Variants in NRP1 observed in about 807,000 individuals in gnomAD.
NRP1 encodes neuropilin-1.
NRP1 carries 35 observed loss-of-function variants against 106.7 expected under a neutral mutation model. The observed-to-expected ratio is 0.33, with a 90% confidence interval of 0.25 to 0.43. The LOEUF (loss-of-function observed/expected upper bound fraction) is 0.43. Among genes scored for constraint, NRP1 ranks in the 20% least tolerant of loss-of-function variants. NRP1 has a pLI of 1.00. For missense variants in NRP1, 1,024 were observed against 1,170.4 expected, an observed-to-expected ratio of 0.87 and a Z score of 1.83; for synonymous variants, 437 against 417.9, an observed-to-expected ratio of 1.05 and a Z score of -0.56.
intron 5 of NRP1, 55 bp downstream of exon 5, chr10:33,256,261 C>G: frequency 6.4e-7 from 1 of 1,556,056 alleles, no homozygotes; most frequent in Non-Finnish European, 8.8e-7. Context: ...GGTGTGTGAG[C>G]AGGAATAACA....
chr10:33,256,187 G>A lies in NRP1; in HGVS notation c.814+129C>T. On this transcript the variant is annotated intron_variant, in intron 5 of 16. Transcript: ENST00000374867. The stretch of plus-strand genomic sequence containing the variant: ...GATACTCATAAAAAAACATTTAGAA[G>A]AGAAAAACAGACAGCTGGCACCCCA... The A allele has an allele frequency of 4.7e-6, 4 of 850,592 alleles. No homozygotes were observed. In the South Asian group the frequency reaches 5.7e-5, roughly 12 times the overall value. 52.7% of individuals were successfully genotyped at this position (850,592 alleles called of 1,614,324 possible). A position where few individuals can be genotyped will look rare whatever the true frequency, so the allele number is the denominator to read the frequency against.
At chr10:33,275,600 A>G (rs1843631291) in intron 2 of NRP1, among the ~76,000 whole-genome samples, 1 of 152,000 alleles carries the variant, frequency 6.6e-6, no homozygotes, top group South Asian at 2.1e-4. Flanking sequence ...CCAACCAAAA[A>G]AAAAAACCAT....
At chr10:33,314,284 G>A (rs1483986326) in intron 2 of NRP1, among the ~76,000 whole-genome samples, 5 of 152,040 alleles carry the variant, frequency 3.3e-5, no homozygotes, top group African/African-American at 1.2e-4. Context: ...AGACGGTATT[G>A]CCCAGGCTGT....
chr10:33,234,446 T>C (rs1840405479), intron 6 of NRP1, among the ~76,000 whole-genome samples: 1 of 152,168 alleles, frequency 6.6e-6, no homozygotes, highest in Non-Finnish European at 1.5e-5. Context: ...TTAAATCCAA[T>C]AGCTTTTCTT....
intron 1 of NRP1, among the ~76,000 whole-genome samples, chr10:33,331,331 A>G (rs1163781212): frequency 6.6e-6 from 1 of 152,184 alleles, no homozygotes; most frequent in African/African-American, 2.4e-5. Flanking sequence ...AGCCTGGTCT[A>G]TGTCATTGAT....
Position 33,186,285 on chromosome 10 carries a change from T to C in NRP1, c.2266A>G (p.Ile756Val). The change falls in exon 14 of 17, where the codon ATT (isoleucine) becomes GTT (valine). Residue 756 changes from isoleucine (I) to valine (V), a missense_variant. By Grantham distance (29) the Ile-to-Val change is conservative (BLOSUM62 3). Around this residue, in one of 5 missense-constraint regions of NRP1, gnomAD observed 562 missense variants for 620.3 expected, o/e 0.91. Coordinates refer to ENST00000374867, the MANE Select transcript of NRP1 (RefSeq NM_003873.7). ...EEYDQLVWMA[I>V]GHQGDHWKEG... ...TTCCAGTGGTCACCTTGGTGTCCAA[T>C]GGCCATCCAGACCAGCTGATCGTAC... 1.9e-6 allele frequency: 3 copies of C among 1,614,140 alleles called. No homozygotes were observed. Among genetic ancestry groups the C allele is most frequent in the East Asian group, 4.5e-5 (2 of 44,870 alleles).
chr10:33,182,606 A>T, intron 16 of NRP1, 92 bp downstream of exon 16: 1 of 841,006 alleles, frequency 1.2e-6, no homozygotes. Context: ...TTTTTGACAT[A>T]CCAGTGTATT....
chr10:33,193,014 G>A (rs1836521925), intron 12 of NRP1, among the ~76,000 whole-genome samples: 1 of 151,990 alleles, frequency 6.6e-6, no homozygotes, highest in African/African-American at 2.4e-5. Flanking sequence ...ATTAATTTAA[G>A]TATAAATTTC....
rs1215544503 is a variant in NRP1 at position 33,203,890 on chromosome 10, G to A, written c.1760-895C>T. Among the ~76,000 whole-genome samples the A allele has an allele frequency of 8.3e-5, 9 of 108,404 alleles. 2 individuals carry two copies. Among genetic ancestry groups the A allele is most frequent in the East Asian group, 1.0e-3 (2 of 1,920 alleles). 71.1% of individuals were successfully genotyped at this position (108,404 alleles called of 152,430 possible). Reference sequence around the variant, plus strand: ...CGAGTAGCTGGGACTACAGGCGCCCGCCACCGCGCCCGGCTAATTTTTTGT... The same window carrying A: ...CGAGTAGCTGGGACTACAGGCGCCCACCACCGCGCCCGGCTAATTTTTTGT... On this transcript the variant is annotated intron_variant, in intron 10 of 16. Transcript: ENST00000374867.
chr10:33,237,652 C>G (rs1840685127), intron 6 of NRP1, among the ~76,000 whole-genome samples: 1 of 143,850 alleles, frequency 7.0e-6, no homozygotes, highest in African/African-American at 2.6e-5. Context: ...GATCTCAGCT[C>G]ACTGCAACCT....
chr10:33,277,834 T>C (rs1843820270), intron 2 of NRP1, among the ~76,000 whole-genome samples: 1 of 152,236 alleles, frequency 6.6e-6, no homozygotes, highest in African/African-American at 2.4e-5. Context: ...ATATTTTTCC[T>C]ATATATATTT....
chr10:33,235,979 T>A (rs2133036711), intron 6 of NRP1, among the ~76,000 whole-genome samples: 1 of 152,340 alleles, frequency 6.6e-6, no homozygotes, highest in Admixed American at 6.5e-5. Flanking sequence ...AGATGACATT[T>A]TAATGTCCCC....
At chr10:33,228,557 C>T (rs998614243) in intron 6 of NRP1, among the ~76,000 whole-genome samples, 5 of 152,214 alleles carry the variant, frequency 3.3e-5, no homozygotes, top group African/African-American at 1.2e-4. Flanking sequence ...TATGCACAGC[C>T]TGCCTCATGG....
At chr10:33,283,355 A>AT (rs374614346) in intron 2 of NRP1, among the ~76,000 whole-genome samples, 2 of 151,902 alleles carry the variant, frequency 1.3e-5, no homozygotes, top group Non-Finnish European at 2.9e-5. Flanking sequence ...TCTTTTTTTC[A>AT]TTTTTTGAAA....
At chr10:33,284,606 A>T (rs534618132) in intron 2 of NRP1, among the ~76,000 whole-genome samples, 2 of 152,122 alleles carry the variant, frequency 1.3e-5, no homozygotes, top group African/African-American at 4.8e-5. Flanking sequence ...TCCCTAGATC[A>T]TATTATTGTT....
At chr10:33,222,153 G>A (rs1344450127) in intron 7 of NRP1, among the ~76,000 whole-genome samples, 1 of 152,200 alleles carries the variant, frequency 6.6e-6, no homozygotes, top group South Asian at 2.1e-4. Context: ...TCTAAAAAGT[G>A]TGAAACTATT....
intron 7 of NRP1, among the ~76,000 whole-genome samples, 179 bp downstream of exon 7, chr10:33,225,955 G>A (rs899888570): frequency 3.3e-5 from 5 of 152,038 alleles, no homozygotes; most frequent in Non-Finnish European, 7.4e-5. Context: ...ATTTCCTCCC[G>A]GCTTCTGGAT....
intron 9 of NRP1, chr10:33,211,474 G>C (rs967894823): frequency 6.6e-6 from 1 of 152,162 alleles, no homozygotes; most frequent in Admixed American, 6.6e-5. Flanking sequence ...GAAAATGAAA[G>C]GGACACAAGA....
intron 6 of NRP1, 26 bp downstream of exon 6, chr10:33,254,002 G>C: frequency 7.6e-6 from 12 of 1,578,094 alleles, no homozygotes; most frequent in Non-Finnish European, 1.0e-5. Flanking sequence ...TTCAATCCTA[G>C]ATAGGCTTGA....
Sources: gnomAD v4.1 joint callset for allele counts (sites outside exome capture counted in the v4.1 genomes callset) on GRCh38, gnomAD v4.1.1 for gene constraint, gnomAD v4.1.1 regional missense constraint, MANE v1.5 for transcripts, NCBI Gene and HGNC (gene_info 2026-07-23, HGNC 2026-07-21) for gene names.